Variants in PSIP1 observed in about 807,000 individuals in gnomAD.
PSIP1 encodes PC4 and SRSF1 interacting protein 1.
PSIP1 carries 19 observed loss-of-function variants against 74.7 expected under a neutral mutation model. The observed-to-expected ratio is 0.25, with a 90% confidence interval of 0.18 to 0.37. The LOEUF (loss-of-function observed/expected upper bound fraction) is 0.37, where lower values mean the gene tolerates loss of function less well. Among genes scored for constraint, PSIP1 ranks in the 10% least tolerant of loss-of-function variants. The pLI is 1.00. For synonymous variants in PSIP1, 222 were observed against 195.3 expected, an observed-to-expected ratio of 1.14 and a Z score of -1.14; for missense variants, 601 against 614.3, an observed-to-expected ratio of 0.98 and a Z score of 0.23.
At chr9:15,484,293 CA>C (rs35611448) in intron 6 of PSIP1, among the ~76,000 whole-genome samples, 132,478 of 149,416 alleles carry the variant, frequency 0.89, 58,765 homozygotes, top group Admixed American at 0.92. Context: ...CCATGTCTAT[CA>C]AAAAAAAAAA....
At chr9:15,490,272 C>T (rs777306000) in intron 3 of PSIP1, 148 bp from the exon 4 acceptor site, 3 of 709,136 alleles carry the variant, frequency 4.2e-6, no homozygotes, top group Non-Finnish European at 6.3e-6. Flanking sequence ...TTAATAATTC[C>T]AAATACTTTT....
intron 6 of PSIP1, among the ~76,000 whole-genome samples, chr9:15,484,816 G>T (rs1460905199): frequency 6.6e-6 from 1 of 151,516 alleles, no homozygotes. Flanking sequence ...GGGAGGCCGA[G>T]GCAAGAGAAT....
chr9:15,509,780 G>A (rs1052727056), intron 2 of PSIP1, among the ~76,000 whole-genome samples: 6 of 152,160 alleles, frequency 3.9e-5, no homozygotes, highest in East Asian at 3.9e-4. Context: ...CTATGGAAAT[G>A]TCAATGTTTC....
intron 10 of PSIP1, chr9:15,471,414 A>T: frequency 6.8e-7 from 1 of 1,480,116 alleles, no homozygotes; most frequent in Non-Finnish European, 9.0e-7. Flanking sequence ...AAACTGAAAT[A>T]CATAAAGATA....
chr9:15,488,192 G>A (rs947069672), intron 4 of PSIP1, among the ~76,000 whole-genome samples: 1 of 151,880 alleles, frequency 6.6e-6, no homozygotes, highest in South Asian at 2.1e-4. Context: ...ACCCAGGCAC[G>A]GTGGCAAAGC....
Position 15,468,459 on chromosome 9 carries a change from TGCACACTGCTCTAG to T in PSIP1, c.1420+157_1420+170del, listed in dbSNP as rs1563864596. 8.7e-6 allele frequency: 7 copies of T among 801,230 alleles called. No individual in the cohort carries two copies. In the East Asian group the frequency reaches 1.7e-4, roughly 19 times the overall value. 49.6% of individuals were successfully genotyped at this position (801,230 alleles called of 1,614,324 possible). A position where few individuals can be genotyped will look rare whatever the true frequency, so the allele number is the denominator to read the frequency against. The stretch of plus-strand genomic sequence containing the variant: ...AACTGACATGATTTTTTGTTCTCAA[TGCACACTGCTCTAG>T]TCCTTCAATAGGCCCATCAGATTTT... On this transcript the variant is annotated intron_variant, in intron 14 of 15. Coordinates refer to ENST00000380733, the MANE Select transcript of PSIP1 (RefSeq NM_033222.5).
chr9:15,484,712 G>C lies in PSIP1; in HGVS notation c.456+1294C>G, dbSNP rs542669875. Among the ~76,000 whole-genome samples, 23 of 151,484 alleles carry C rather than the reference G, an allele frequency of 1.5e-4. 1 individual carries two copies. Among genetic ancestry groups the C allele is most frequent in the Middle Eastern group, 3.4e-3 (1 of 290 alleles). ...ACTGCACTTCAGCTGGGGCAACAGTGTGAGAATCCGTCTCAAAACAAAAAC... is the reference window on the plus strand; with the variant it reads ...ACTGCACTTCAGCTGGGGCAACAGTCTGAGAATCCGTCTCAAAACAAAAAC... On this transcript the variant is annotated intron_variant, in intron 6 of 15. Coordinates refer to ENST00000380733, the MANE Select transcript of PSIP1 (RefSeq NM_033222.5).
At chr9:15,486,574 C>A (rs1162660865) in intron 5 of PSIP1, among the ~76,000 whole-genome samples, 4 of 152,280 alleles carry the variant, frequency 2.6e-5, no homozygotes, top group Admixed American at 2.6e-4. Context: ...AACACTACCG[C>A]ACCCTACAGT....
chr9:15,480,404 AAAC>A (rs1205308480), intron 6 of PSIP1, among the ~76,000 whole-genome samples: 3 of 152,210 alleles, frequency 2.0e-5, no homozygotes, highest in African/African-American at 7.2e-5. Context: ...CTAAAGATAA[AAAC>A]AAGAAGGCAT....
intron 3 of PSIP1, among the ~76,000 whole-genome samples, chr9:15,502,226 C>A (rs1291207118): frequency 6.6e-6 from 1 of 152,014 alleles, no homozygotes; most frequent in Admixed American, 6.6e-5. Context: ...ATACCTAATA[C>A]AATGTAAATG....
intron 3 of PSIP1, chr9:15,504,866 G>A (rs1212011790): frequency 6.6e-6 from 1 of 151,630 alleles, no homozygotes; most frequent in Non-Finnish European, 1.5e-5. Context: ...AAACTTCAAC[G>A]TAAATCAGAA....
rs376999973 is a variant in PSIP1, at chr9:15,466,576, A to G, written c.1532+172T>C. 6.6e-5 allele frequency among the ~76,000 whole-genome samples: 10 copies of G among 152,340 alleles called. No individual in the cohort carries two copies. The East Asian group carries it at 1.9e-3, about 29-fold the overall frequency. ...GAATTCAGTGGCAAAGTCACTGTCA[A>G]TAAAAGGTTTTTACTCTTCTTCCTT... On this transcript the variant is annotated intron_variant, in intron 15 of 15. Coordinates refer to ENST00000380733, the MANE Select transcript of PSIP1 (RefSeq NM_033222.5).
chr9:15,473,886 G>T, intron 9 of PSIP1, 123 bp downstream of exon 9: 1 of 709,670 alleles, frequency 1.4e-6, no homozygotes. Flanking sequence ...AAGCAACACA[G>T]CGAGACTCCA....
At chr9:15,486,778 C>T (rs1173466692) in intron 5 of PSIP1, 49 bp downstream of exon 5, 1 of 1,340,640 alleles carries the variant, frequency 7.5e-7, no homozygotes, top group East Asian at 2.3e-5. Flanking sequence ...TTCATTATTT[C>T]TTCCTTGAAA....
chr9:15,473,919 AAAAAAAACAAAAAAAAAAC>A lies in PSIP1; in HGVS notation c.858+71_858+89del, dbSNP rs1370201327. ...CCATCTCAAACAAAAAAAAAACAAA[AAAAAAAACAAAAAAAAAAC>A]AAAGAAAAAACAAAAAATATATATA... On this transcript the variant is annotated intron_variant, in intron 9 of 15. Transcript: ENST00000380733. The A allele has an allele frequency of 2.5e-5, 22 of 864,150 alleles. 1 individual carries two copies. The African/African-American group carries it at 3.7e-4, about 14-fold the overall frequency. 53.5% of individuals were successfully genotyped at this position (864,150 alleles called of 1,614,324 possible). A position where few individuals can be genotyped will look rare whatever the true frequency, so the allele number is the denominator to read the frequency against.
rs2036533724 is a variant in PSIP1 at position 15,485,774 on chromosome 9, T to C, written c.456+232A>G. ...GAAAACTGAGGCACAGTCATTAAAA[T>C]GAATGAAAACTGGTGTATTTTATTT... On this transcript the variant is annotated intron_variant, in intron 6 of 15. Coordinates refer to ENST00000380733, the MANE Select transcript of PSIP1 (RefSeq NM_033222.5). The C allele has an allele frequency of 7.9e-6, 3 of 381,512 alleles. No homozygotes were observed. In the Admixed American group the frequency reaches 1.3e-4, roughly 17 times the overall value. 23.6% of individuals were successfully genotyped at this position (381,512 alleles called of 1,614,324 possible). A position where few individuals can be genotyped will look rare whatever the true frequency, so the allele number is the denominator to read the frequency against.
At position 15,468,769 on chromosome 9, in the gene PSIP1, G is replaced by C; in HGVS notation, c.1281C>G (p.Phe427Leu). The change falls in exon 14 of 16, where the codon TTC (phenylalanine) becomes TTG (leucine). Residue 427 changes from phenylalanine (F) to leucine (L), a missense_variant. Phe to Leu is a conservative substitution (Grantham distance 22). Around this residue, in one of 2 missense-constraint regions of PSIP1, gnomAD observed 538 missense variants for 507.6 expected, o/e 1.06. Coordinates refer to ENST00000380733, the MANE Select transcript of PSIP1 (RefSeq NM_033222.5). ...TMLYNKFKNM[F>L]LVGEGDSVIT... is the part of the protein sequence containing the mutation. The stretch of plus-strand genomic sequence containing the variant: ...TCACGGAATCTCCTTCACCAACCAA[G>C]AACATGTTCTTAAACTTGTTATACA... 1 of 1,613,952 alleles carries C rather than the reference G, an allele frequency of 6.2e-7. No homozygotes were observed. The highest frequency in any genetic ancestry group is 8.5e-7 in the Non-Finnish European group (1 of 1,179,888).
At chr9:15,485,183 G>C (rs1266039453) in intron 6 of PSIP1, among the ~76,000 whole-genome samples, 2 of 152,108 alleles carry the variant, frequency 1.3e-5, no homozygotes, top group Non-Finnish European at 1.5e-5. Flanking sequence ...GACAACATCA[G>C]GTTTTTTTGG....
intron 3 of PSIP1, among the ~76,000 whole-genome samples, chr9:15,497,123 T>C (rs1372095612): frequency 1.3e-5 from 2 of 152,172 alleles, no homozygotes; most frequent in Non-Finnish European, 2.9e-5. Context: ...CACAGCATTA[T>C]TCATAAAAGC....
Sources: allele counts gnomAD v4.1 joint callset (sites outside exome capture counted in the v4.1 genomes callset), GRCh38; gene constraint gnomAD v4.1.1; regional missense constraint gnomAD v4.1.1; transcripts MANE v1.5; gene names NCBI Gene and HGNC (gene_info 2026-07-23, HGNC 2026-07-21).